The following SNTA1 variants were observed in gnomAD, a reference collection of about 807,000 sequenced individuals.
The protein encoded by SNTA1 is alpha-1-syntrophin.
A neutral mutation model predicts 47.1 loss-of-function variants in SNTA1; 31 were observed. The observed-to-expected ratio is 0.66, with a 90% CI of 0.49 to 0.89. SNTA1 has a LOEUF of 0.89. Among genes scored for constraint, SNTA1 ranks in the 40% least tolerant of loss-of-function variants. The pLI is 0.00. For synonymous variants in SNTA1, 300 were observed against 313.6 expected, an observed-to-expected ratio of 0.96 and a Z score of 0.46; for missense variants, 575 against 693.0, an observed-to-expected ratio of 0.83 and a Z score of 1.91.
chr20:33,428,080 C>T (rs1990209275), intron 2 of SNTA1, among the ~76,000 whole-genome samples: 1 of 152,058 alleles, frequency 6.6e-6, no homozygotes, highest in Non-Finnish European at 1.5e-5. Context: ...GTGTAGTCCT[C>T]CAGCCCAATA....
At position 33,443,735 on chromosome 20, in the gene SNTA1, C is replaced by T. The variant is rs2146815781; in HGVS notation, c.-115G>A. 1.8e-6 allele frequency: 1 copy of T among 559,138 alleles called. No individual in the cohort carries two copies. The highest frequency in any genetic ancestry group is 6.8e-5 in the East Asian group (1 of 14,746). The allele number at this position is 559,138 out of a possible 1,614,324, so 34.6% of individuals were successfully genotyped here. A position where few individuals can be genotyped will look rare whatever the true frequency, so the allele number is the denominator to read the frequency against. ...GGGGCCCGGCTGGGCCAGCCGCCAC[C>T]CTACCCCGGCCGCTGGGGGAGGAGC... On this transcript the variant is annotated 5_prime_UTR_variant, in exon 1 of 8. Coordinates refer to ENST00000217381, the MANE Select transcript of SNTA1 (RefSeq NM_003098.3).
intron 2 of SNTA1, among the ~76,000 whole-genome samples, chr20:33,418,354 A>G (rs890397798): frequency 1.3e-5 from 2 of 151,246 alleles, no homozygotes; most frequent in African/African-American, 4.9e-5. Flanking sequence ...CTCCCAGATC[A>G]ATCAATCCTC....
intron 1 of SNTA1, among the ~76,000 whole-genome samples, chr20:33,442,943 C>G (rs1194478494): frequency 6.6e-6 from 1 of 152,090 alleles, no homozygotes; most frequent in Non-Finnish European, 1.5e-5. Context: ...CCTCCCTGTC[C>G]CACTGGTGTC....
rs79878272 is a variant in SNTA1, at chr20:33,435,623, T to C, written c.496+3218A>G. ...AAAAACACAGTTTGTGTAGAGGAGA[T>C]AGTGTTTATGTTTTGTCTACCCTAC... On this transcript the variant is annotated intron_variant, in intron 2 of 7. Transcript: ENST00000217381. 7.6e-3 allele frequency among the ~76,000 whole-genome samples: 1,156 copies of C among 151,938 alleles called. 9 individuals carry two copies. Among genetic ancestry groups the C allele is most frequent in the African/African-American group, 0.026 (1,093 of 41,438 alleles).
At chr20:33,434,892 A>C (rs2146801924) in intron 2 of SNTA1, among the ~76,000 whole-genome samples, 1 of 151,710 alleles carries the variant, frequency 6.6e-6, no homozygotes, top group African/African-American at 2.4e-5. Context: ...GCCTAACTTC[A>C]ATAGGAAAAC....
intron 3 of SNTA1, among the ~76,000 whole-genome samples, chr20:33,416,769 G>A (rs781269496): frequency 2.0e-5 from 3 of 151,802 alleles, no homozygotes; most frequent in African/African-American, 4.8e-5. Flanking sequence ...GGAGAATCCC[G>A]TCTCTACTAA....
Position 33,414,363 on chromosome 20 carries a change from C to T in SNTA1, c.702-1581G>A, listed in dbSNP as rs182304342. 6.5e-4 allele frequency among the ~76,000 whole-genome samples: 98 copies of T among 151,620 alleles called. No individual in the cohort carries two copies. The East Asian group carries it at 0.012, about 19-fold the overall frequency. On this transcript the variant is annotated intron_variant, in intron 3 of 7. Coordinates refer to ENST00000217381, the MANE Select transcript of SNTA1 (RefSeq NM_003098.3). Reference sequence around the variant, plus strand: ...ATCCCAGCACTTTGGGAAGCTGAGCCGGGCAGATCACTTGAGGCCAGGAGT... The same window carrying T: ...ATCCCAGCACTTTGGGAAGCTGAGCTGGGCAGATCACTTGAGGCCAGGAGT...
chr20:33,441,924 T>C (rs954607078), intron 1 of SNTA1, among the ~76,000 whole-genome samples: 12 of 152,108 alleles, frequency 7.9e-5, no homozygotes, highest in African/African-American at 2.9e-4. Context: ...GCCCATACCC[T>C]CATTTTCTCA....
At chr20:33,412,518 G>A in intron 4 of SNTA1, 57 bp downstream of exon 4, 2 of 1,600,376 alleles carry the variant, frequency 1.2e-6, no homozygotes, top group Non-Finnish European at 1.7e-6. Context: ...CTGGGAACAG[G>A]GCCAGCTCCA....
chr20:33,424,350 A>C (rs1442735328), intron 2 of SNTA1, among the ~76,000 whole-genome samples: 1 of 151,464 alleles, frequency 6.6e-6, no homozygotes, highest in Non-Finnish European at 1.5e-5. Flanking sequence ...AAAAAAGAAA[A>C]TAGTACTTGA....
rs34049465 is a variant in SNTA1 at position 33,431,458 on chromosome 20, T to C, written c.496+7383A>G. ...ACATTGAGGATTCAATTAAATAACA[T>C]AGGGAAGGGCCGGGCACGGTGGCTC... On this transcript the variant is annotated intron_variant, in intron 2 of 7. Coordinates refer to ENST00000217381, the MANE Select transcript of SNTA1 (RefSeq NM_003098.3). Among the ~76,000 whole-genome samples the C allele has an allele frequency of 5.2e-3, 783 of 150,832 alleles. 4 individuals carry two copies. The highest frequency in any genetic ancestry group is 7.6e-3 in the Non-Finnish European group (514 of 67,558).
intron 2 of SNTA1, among the ~76,000 whole-genome samples, chr20:33,429,334 T>TAAAAAA (rs35077145): frequency 2.8e-4 from 7 of 25,108 alleles, no homozygotes; most frequent in Admixed American, 1.5e-3. Flanking sequence ...AGACTCCACC[T>TAAAAAA]AAAAAAAAAA....
rs1343016033 is a variant in SNTA1, at chr20:33,443,606, C to T, written c.15G>A (p.Arg5=). MASG[R]RAPRTGLLEL... ...CCAGCAGCCCGGTGCGCGGGGCGCG[C>T]CTGCCGGACGCCATCTTCGCCTCCG... Residue 5 remains arginine, a synonymous_variant, in exon 1 of 8, where the codon AGG becomes AGA. Transcript: ENST00000217381. 2 of 1,230,684 alleles carry T rather than the reference C, an allele frequency of 1.6e-6. No homozygotes were observed. The highest frequency in any genetic ancestry group is 1.6e-5 in the African/African-American group (1 of 62,598). 76.2% of individuals were successfully genotyped at this position (1,230,684 alleles called of 1,614,324 possible). A position where few individuals can be genotyped will look rare whatever the true frequency, so the allele number is the denominator to read the frequency against.
chr20:33,415,378 C>T (rs985262893), intron 3 of SNTA1, among the ~76,000 whole-genome samples: 1 of 152,202 alleles, frequency 6.6e-6, no homozygotes, highest in Non-Finnish European at 1.5e-5. Context: ...CCTTCCGGGC[C>T]GGGCATGGTG....
intron 2 of SNTA1, among the ~76,000 whole-genome samples, chr20:33,436,227 T>C (rs759993058): frequency 3.3e-5 from 5 of 152,040 alleles, no homozygotes; most frequent in African/African-American, 1.2e-4. Flanking sequence ...AAAATAAAGA[T>C]GAGGAGGTGA....
chr20:33,415,157 AAAC>A (rs1298311703), intron 3 of SNTA1, among the ~76,000 whole-genome samples: 4 of 152,200 alleles, frequency 2.6e-5, no homozygotes, highest in East Asian at 1.9e-4. Flanking sequence ...AATAACATAT[AAAC>A]AAACACACAT....
intron 2 of SNTA1, among the ~76,000 whole-genome samples, chr20:33,436,804 T>C (rs1047493065): frequency 6.9e-6 from 1 of 145,512 alleles, no homozygotes; most frequent in Non-Finnish European, 1.5e-5. Context: ...CTACTAAAAA[T>C]ACAAAAAAAA....
At chr20:33,409,889 C>T (rs1256222958) in intron 6 of SNTA1, among the ~76,000 whole-genome samples, 9 of 152,150 alleles carry the variant, frequency 5.9e-5, no homozygotes, top group Non-Finnish European at 4.4e-5. Context: ...CCTCAGCCTC[C>T]CAAAGTGCTG....
At chr20:33,409,758 G>A (rs565062717) in intron 6 of SNTA1, among the ~76,000 whole-genome samples, 4 of 152,048 alleles carry the variant, frequency 2.6e-5, no homozygotes, top group South Asian at 4.1e-4. Flanking sequence ...AGCCTCCCGA[G>A]TAGCTAGGAC....
Sources: allele counts gnomAD v4.1 joint callset (sites outside exome capture counted in the v4.1 genomes callset), GRCh38; gene constraint gnomAD v4.1.1; transcripts MANE v1.5; gene names NCBI Gene and HGNC (gene_info 2026-07-23, HGNC 2026-07-21).